TMEM91: variants seen among roughly 807,000 people sequenced by gnomAD.
The protein encoded by TMEM91 is transmembrane protein 91.
A neutral mutation model predicts 13.3 loss-of-function variants in TMEM91; 6 were observed. The observed-to-expected ratio is 0.45, with a 90% CI of 0.25 to 0.89. The LOEUF is 0.89. TMEM91 is among the 40% of genes least tolerant of loss of function. The pLI, the probability that TMEM91 is intolerant of heterozygous loss-of-function variation, is 0.19. For synonymous variants in TMEM91, 87 were observed against 101.7 expected, an observed-to-expected ratio of 0.86 and a Z score of 0.87; for missense variants, 193 against 228.7, an observed-to-expected ratio of 0.84 and a Z score of 1.01.
chr19:41,370,243 A>G (rs2038592872), intron 1 of TMEM91, among the ~76,000 whole-genome samples: 1 of 151,570 alleles, frequency 6.6e-6, no homozygotes, highest in South Asian at 2.1e-4. Context: ...ATGCCTGGCT[A>G]ATTTTGTATT....
At chr19:41,378,177 C>A (rs2038772019) in intron 1 of TMEM91, 104 bp from the exon 2 acceptor site, 2 of 817,642 alleles carry the variant, frequency 2.4e-6, no homozygotes, top group Admixed American at 2.6e-5. Context: ...GTCTGAGGAC[C>A]ACTGCACTAA....
At chr19:41,373,475 GC>G (rs1240759830), upstream of TMEM91, among the ~76,000 whole-genome samples, 1 of 150,662 alleles carries the variant, frequency 6.6e-6, no homozygotes, top group Non-Finnish European at 1.5e-5. Context: ...CCCACTTTGT[GC>G]CAGGCACTGT....
rs1433470423 is a variant in TMEM91, at chr19:41,376,752, A to C, written c.-132A>C. The C allele has an allele frequency of 6.6e-6, 1 of 152,178 alleles. No individual in the cohort carries two copies. The highest frequency in any genetic ancestry group is 1.5e-5 in the Non-Finnish European group (1 of 68,032). 9.4% of individuals were successfully genotyped at this position (152,178 alleles called of 1,614,324 possible). A position where few individuals can be genotyped will look rare whatever the true frequency, so the allele number is the denominator to read the frequency against. Reference sequence around the variant, plus strand: ...GGGCCCGGGGCGCTGAGACCCGCGTAGAGCAAAGCGCAAGGTCCCAGCGCC... The same window carrying C: ...GGGCCCGGGGCGCTGAGACCCGCGTCGAGCAAAGCGCAAGGTCCCAGCGCC... On this transcript the variant is annotated 5_prime_UTR_variant, in exon 1 of 4. Coordinates refer to ENST00000392002, the MANE Select transcript of TMEM91 (RefSeq NM_001098821.2).
In TMEM91 at chr19:41,370,613, G is replaced by A. The variant is rs1020941909; in HGVS notation, c.-30+6518G>A. On this transcript the variant is annotated intron_variant, in intron 1 of 3. Transcript: ENST00000413014. ...GTAGAGACGGGGTTTCACCATATTG[G>A]CCACGCTGGTCTCGAACTCCTGACC... Among the ~76,000 whole-genome samples, 5 of 151,918 alleles carry A rather than the reference G, an allele frequency of 3.3e-5. No homozygotes were observed. The East Asian group carries it at 5.8e-4, about 18-fold the overall frequency.
intron 1 of TMEM91, among the ~76,000 whole-genome samples, chr19:41,371,409 CTT>C (rs1291499640): frequency 0.087 from 2,774 of 31,906 alleles, 143 homozygotes; most frequent in African/African-American, 0.21. Context: ...TCCCTCCCTC[CTT>C]TCTCTCTCTC....
intron 1 of TMEM91, among the ~76,000 whole-genome samples, chr19:41,368,571 G>A (rs907505983): frequency 5.9e-5 from 9 of 151,726 alleles, no homozygotes; most frequent in African/African-American, 2.2e-4. Flanking sequence ...CACCACACCC[G>A]GGTAATTTTT....
intron 1 of TMEM91, among the ~76,000 whole-genome samples, chr19:41,366,267 G>A (rs1028106102): frequency 6.6e-6 from 1 of 151,970 alleles, no homozygotes. Flanking sequence ...TGGTCCCCTA[G>A]TGGTGGCACC....
At chr19:41,374,764 A>T (rs1393562946), upstream of TMEM91, among the ~76,000 whole-genome samples, 1 of 152,026 alleles carries the variant, frequency 6.6e-6, no homozygotes, top group African/African-American at 2.4e-5. Flanking sequence ...CGGGTGGGTC[A>T]CCTGAGGTCG....
rs1369053075 is a variant in TMEM91 at position 41,376,712 on chromosome 19, G to C, written c.-172G>C. 6.6e-6 allele frequency: 1 copy of C among 152,210 alleles called. No homozygotes were observed. The highest frequency in any genetic ancestry group is 6.5e-5 in the Admixed American group (1 of 15,278). 9.4% of individuals were successfully genotyped at this position (152,210 alleles called of 1,614,324 possible). On this transcript the variant is annotated 5_prime_UTR_variant, in exon 1 of 4. Transcript: ENST00000392002. Reference sequence around the variant, plus strand: ...GAAGCCGTCGCCCCGCCCCGTCCCCGCCCCCGCGCGCAGCGGGCCCGGGGC... The same window carrying C: ...GAAGCCGTCGCCCCGCCCCGTCCCCCCCCCCGCGCGCAGCGGGCCCGGGGC...
rs2038947402 is a variant in TMEM91 at position 41,383,664 on chromosome 19, G to C, written c.361-51G>C. The C allele has an allele frequency of 3.1e-6, 5 of 1,613,914 alleles. No homozygotes were observed. In the South Asian group the frequency reaches 5.5e-5, roughly 18 times the overall value. On this transcript the variant is annotated intron_variant, in intron 3 of 3. Coordinates refer to ENST00000392002, the MANE Select transcript of TMEM91 (RefSeq NM_001098821.2). Reference sequence around the variant, plus strand: ...TGGGTGGGGGAGGGACCAGGGGAAGGGTCTGGGACTGAGGGGATGCCTGGG... The same window carrying C: ...TGGGTGGGGGAGGGACCAGGGGAAGCGTCTGGGACTGAGGGGATGCCTGGG...
chr19:41,376,801 C>G lies in TMEM91; in HGVS notation c.-83C>G, dbSNP rs2038730026. The G allele has an allele frequency of 6.6e-6, 1 of 152,164 alleles. No individual in the cohort carries two copies. The highest frequency in any genetic ancestry group is 1.5e-5 in the Non-Finnish European group (1 of 68,080). 9.4% of individuals were successfully genotyped at this position (152,164 alleles called of 1,614,324 possible). A position where few individuals can be genotyped will look rare whatever the true frequency, so the allele number is the denominator to read the frequency against. ...CCCCTTGGATCCTCGGTGGCAGGGT[C>G]CGGGCAAGTGTCATTGCGAGGGTTC... On this transcript the variant is annotated 5_prime_UTR_variant, in exon 1 of 4. Coordinates refer to ENST00000392002, the MANE Select transcript of TMEM91 (RefSeq NM_001098821.2).
upstream of TMEM91, among the ~76,000 whole-genome samples, chr19:41,375,139 C>T (rs1159581226): frequency 6.6e-6 from 1 of 152,110 alleles, no homozygotes; most frequent in Admixed American, 6.6e-5. Flanking sequence ...AACCCACCTG[C>T]CTCTGCTTCC....
chr19:41,376,152 G>C (rs1290006787), upstream of TMEM91: 19 of 122,402 alleles, frequency 1.6e-4, no homozygotes, highest in African/African-American at 6.8e-4. Context: ...AAAAACCAAA[G>C]TAAAATAGCA....
chr19:41,370,729 G>A (rs922503774), intron 1 of TMEM91, among the ~76,000 whole-genome samples: 1 of 151,040 alleles, frequency 6.6e-6, no homozygotes, highest in Non-Finnish European at 1.5e-5. Context: ...TTGAGAGGAA[G>A]TCTCATTGTG....
intron 2 of TMEM91, among the ~76,000 whole-genome samples, chr19:41,379,571 G>A (rs1392822958): frequency 6.7e-6 from 1 of 149,192 alleles, no homozygotes; most frequent in Admixed American, 6.8e-5. Context: ...GAGAGAGAAA[G>A]AGAGAGGGAG....
intron 1 of TMEM91, chr19:41,377,403 G>C (rs2038746645): frequency 6.6e-6 from 1 of 152,504 alleles, no homozygotes; most frequent in African/African-American, 2.4e-5. Context: ...TCCTTTGGGA[G>C]ATGAATGTGT....
chr19:41,367,826 G>A (rs1050280695), intron 1 of TMEM91, among the ~76,000 whole-genome samples: 2 of 151,984 alleles, frequency 1.3e-5, no homozygotes, highest in African/African-American at 2.4e-5. Flanking sequence ...GTAGAGACAT[G>A]GTCTCACTCT....
At chr19:41,383,524 AT>A (rs772800590) in intron 3 of TMEM91, 190 bp from the exon 4 acceptor site, 1 of 1,478,746 alleles carries the variant, frequency 6.8e-7, no homozygotes, top group Admixed American at 2.3e-5. Flanking sequence ...TATTATTATT[AT>A]TTTTTACCAT....
At chr19:41,378,570 C>T (rs1243621124) in intron 2 of TMEM91, 51 bp downstream of exon 2, 1 of 1,591,614 alleles carries the variant, frequency 6.3e-7, no homozygotes, top group Non-Finnish European at 8.6e-7. Context: ...CTGGGGTGAG[C>T]CCCACTAAGG....
Sources: gnomAD v4.1 joint callset for allele counts (sites outside exome capture counted in the v4.1 genomes callset) on GRCh38, gnomAD v4.1.1 for gene constraint, MANE v1.5 for transcripts, NCBI Gene and HGNC (gene_info 2026-07-23, HGNC 2026-07-21) for gene names.